The following PRRG1 variants were observed in gnomAD, a reference collection of about 807,000 sequenced individuals.
PRRG1 encodes transmembrane gamma-carboxyglutamic acid protein 1.
Under a neutral mutation model 11.8 loss-of-function variants are expected in PRRG1, and 5 were observed. The ratio of observed to expected loss-of-function variants is 0.42; its 90% CI spans 0.22 to 0.89. PRRG1 has a LOEUF of 0.89. Ranked by LOEUF, PRRG1 falls within the 40% of genes least tolerant of loss-of-function variation. The pLI is 0.28. For missense variants in PRRG1, 155 were observed against 166.1 expected (o/e 0.93, Z 0.37); for synonymous variants, 66 against 60.4 (o/e 1.09, Z -0.43).
chrX:37,376,034 A>C (rs1930927650), intron 1 of PRRG1, among the ~76,000 whole-genome samples: 1 of 111,478 alleles, frequency 9.0e-6, no homozygotes, highest in African/African-American at 3.3e-5. Context: ...GCAACCTCTA[A>C]TGGATCTAGG....
chrX:37,418,865 T>C (rs1391607935), intron 2 of PRRG1, among the ~76,000 whole-genome samples: 1 of 111,909 alleles, frequency 8.9e-6, no homozygotes, highest in Non-Finnish European at 1.9e-5. Flanking sequence ...CCCCTTTTGC[T>C]TTCTAGTTTT....
intron 2 of PRRG1, among the ~76,000 whole-genome samples, chrX:37,408,559 C>T: frequency 9.0e-6 from 1 of 111,720 alleles, no homozygotes; most frequent in Non-Finnish European, 1.9e-5. Flanking sequence ...GGAATCGCCA[C>T]GTTTGTGTGG....
At chrX:37,382,173 T>A (rs1033088016) in intron 1 of PRRG1, among the ~76,000 whole-genome samples, 2 of 111,731 alleles carry the variant, frequency 1.8e-5, no homozygotes, top group Non-Finnish European at 3.8e-5. Context: ...TGCCATACCA[T>A]CTCCACTTCA....
intron 1 of PRRG1, among the ~76,000 whole-genome samples, chrX:37,401,986 G>A (rs1932005706): frequency 9.0e-6 from 1 of 111,082 alleles, no homozygotes; most frequent in African/African-American, 3.3e-5. Flanking sequence ...AAATTAAAGA[G>A]GATACAAACA....
At chrX:37,431,538 TTTC>T (rs782531060) in intron 3 of PRRG1, among the ~76,000 whole-genome samples, 25 of 102,684 alleles carry the variant, frequency 2.4e-4, no homozygotes, top group Non-Finnish European at 4.8e-4. Flanking sequence ...TCTATTTATG[TTTC>T]TTCTTTGGTG....
At chrX:37,415,623 A>G (rs1487402095) in intron 2 of PRRG1, among the ~76,000 whole-genome samples, 1 of 111,687 alleles carries the variant, frequency 9.0e-6, no homozygotes, top group Non-Finnish European at 1.9e-5. Flanking sequence ...AGTAGCTGCC[A>G]ATAGTTAAAG....
chrX:37,400,131 C>A (rs1203996114), intron 1 of PRRG1, among the ~76,000 whole-genome samples: 1 of 111,522 alleles, frequency 9.0e-6, no homozygotes, highest in African/African-American at 3.3e-5. Context: ...ACCAAGTGGG[C>A]CTAATAGACA....
At position 37,453,140 on chromosome X, in the gene PRRG1, A is replaced by G. The variant is rs1921208825; in HGVS notation, c.176A>G (p.Glu59Gly). Residue 59 changes from glutamate (E) to glycine (G), a missense_variant, in exon 4 of 4, where the codon GAG becomes GGG. By Grantham distance (98) the Glu-to-Gly change is moderately conservative. Coordinates refer to ENST00000378628, the MANE Select transcript of PRRG1 (RefSeq NM_001142395.2). Reference protein sequence around the residue: ...EAFENNEKTKEFWSTYTKAQQ... With the variant: ...EAFENNEKTKGFWSTYTKAQQ... ...TATTTTGTATTGTATTTTCAGAAGG[A>G]GTTTTGGAGCACCTACACAAAAGCG... The G allele has an allele frequency of 8.4e-7, 1 of 1,194,480 alleles. No individual in the cohort carries two copies. Among genetic ancestry groups the G allele is most frequent in the Non-Finnish European group, 1.1e-6 (1 of 885,208 alleles).
intron 1 of PRRG1, among the ~76,000 whole-genome samples, chrX:37,350,324 A>G (rs905730391): frequency 8.9e-5 from 10 of 111,789 alleles, no homozygotes; most frequent in Non-Finnish European, 1.9e-4. Context: ...GAAAGGATGA[A>G]GAGGTTGAGT....
intron 3 of PRRG1, among the ~76,000 whole-genome samples, chrX:37,429,419 T>C (rs1556389395): frequency 8.9e-6 from 1 of 111,868 alleles, no homozygotes; most frequent in African/African-American, 3.3e-5. Flanking sequence ...CTAAATCATC[T>C]TTCTCAAGTT....
chrX:37,453,436 T>G lies in PRRG1; in HGVS notation c.472T>G (p.Ser158Ala). ...FLGYVVGRSD[S>A]VSTRLSNCDP... is the part of the protein sequence containing the mutation. ...GGGATATGTAGTTGGGCGCTCAGATTCCGTCTCTACTCGCCTGTCCAATTG... is the reference window on the plus strand; with the variant it reads ...GGGATATGTAGTTGGGCGCTCAGATGCCGTCTCTACTCGCCTGTCCAATTG... The change falls in exon 4 of 4, where the codon TCC becomes GCC. Residue 158 changes from serine (S) to alanine (A), a missense_variant. Physicochemically the swap from Ser to Ala is moderately conservative, Grantham distance 99 (BLOSUM62 1). Coordinates refer to ENST00000378628, the MANE Select transcript of PRRG1 (RefSeq NM_001142395.2). The G allele has an allele frequency of 1.7e-6, 2 of 1,209,739 alleles. No homozygotes were observed. Among genetic ancestry groups the G allele is most frequent in the Non-Finnish European group, 2.2e-6 (2 of 894,675 alleles).
At chrX:37,401,797 A>C (rs1160507682) in intron 1 of PRRG1, among the ~76,000 whole-genome samples, 94 of 109,713 alleles carry the variant, frequency 8.6e-4, no homozygotes, top group Non-Finnish European at 1.5e-3. Context: ...TCTCAGGATA[A>C]AAAATCAATG....
intron 1 of PRRG1, among the ~76,000 whole-genome samples, chrX:37,353,087 A>G (rs1930123737): frequency 8.9e-6 from 1 of 111,943 alleles, no homozygotes; most frequent in Non-Finnish European, 1.9e-5. Flanking sequence ...AGGCAAGAAG[A>G]AGGCATTGTT....
chrX:37,400,782 T>TA (rs1285975405), intron 1 of PRRG1, among the ~76,000 whole-genome samples: 1 of 110,743 alleles, frequency 9.0e-6, no homozygotes, highest in African/African-American at 3.3e-5. Context: ...ATAGACACAA[T>TA]AAAAAATGAT....
chrX:37,453,631 C>T lies in PRRG1; in HGVS notation c.*10C>T. The T allele has an allele frequency of 8.7e-7, 1 of 1,147,183 alleles. No individual in the cohort carries two copies. The highest frequency in any genetic ancestry group is 1.2e-6 in the Non-Finnish European group (1 of 864,090). 94.5% of individuals were successfully genotyped at this position (1,147,183 alleles called of 1,213,427 possible). A position where few individuals can be genotyped will look rare whatever the true frequency, so the allele number is the denominator to read the frequency against. Reference sequence around the variant, plus strand: ...CACCACCATCAAATGAAGCTGCAAACTTCTTTTTACTCTAATCATTTTTAA... The same window carrying T: ...CACCACCATCAAATGAAGCTGCAAATTTCTTTTTACTCTAATCATTTTTAA... On this transcript the variant is annotated 3_prime_UTR_variant, in exon 4 of 4. Coordinates refer to ENST00000378628, the MANE Select transcript of PRRG1 (RefSeq NM_001142395.2).
chrX:37,368,767 G>A (rs1556370088), intron 1 of PRRG1, among the ~76,000 whole-genome samples: 2 of 108,804 alleles, frequency 1.8e-5, no homozygotes. Context: ...TTTTAAATCC[G>A]TAAATGTTTT....
chrX:37,387,830 C>T (rs1390797118), intron 1 of PRRG1, among the ~76,000 whole-genome samples: 1 of 111,526 alleles, frequency 9.0e-6, no homozygotes, highest in East Asian at 2.8e-4. Flanking sequence ...GTCATTTCAG[C>T]ATTAACTCAA....
intron 1 of PRRG1, among the ~76,000 whole-genome samples, chrX:37,372,294 C>T (rs1365822606): frequency 9.0e-6 from 1 of 111,196 alleles, no homozygotes; most frequent in Non-Finnish European, 1.9e-5. Context: ...GGTACTTTGC[C>T]CATTTTAAAT....
chrX:37,403,423 G>A (rs1199498086), intron 1 of PRRG1, among the ~76,000 whole-genome samples: 1 of 90,468 alleles, frequency 1.1e-5, no homozygotes. Context: ...GGTGGGAATT[G>A]AACAGTGAGA....
Sources: gnomAD v4.1 joint callset for allele counts (sites outside exome capture counted in the v4.1 genomes callset) on GRCh38, gnomAD v4.1.1 for gene constraint, MANE v1.5 for transcripts, NCBI Gene and HGNC (gene_info 2026-07-23, HGNC 2026-07-21) for gene names.